The following SLC1A4 variants were observed in gnomAD, a reference collection of about 807,000 sequenced individuals.
The protein encoded by SLC1A4 is neutral amino acid transporter A.
In SLC1A4, 19 loss-of-function variants were observed where a neutral mutation model predicts 37.7. The observed-to-expected ratio is 0.50, with a 90% CI of 0.35 to 0.74. The LOEUF is 0.74. Among genes scored for constraint, SLC1A4 ranks in the 30% least tolerant of loss-of-function variants. SLC1A4 has a pLI of 0.01. For synonymous variants in SLC1A4, 299 were observed against 309.8 expected, an observed-to-expected ratio of 0.97 and a Z score of 0.37; for missense variants, 570 against 712.9, an observed-to-expected ratio of 0.80 and a Z score of 2.28.
At chr2:65,015,321 A>T (rs529857009) in intron 4 of SLC1A4, among the ~76,000 whole-genome samples, 12 of 152,320 alleles carry the variant, frequency 7.9e-5, no homozygotes, top group African/African-American at 2.9e-4. Context: ...AAGATGGTAA[A>T]TTTTATGTAT....
chr2:65,000,717 C>T (rs1204726100), intron 1 of SLC1A4: 1 of 152,178 alleles, frequency 6.6e-6, no homozygotes, highest in South Asian at 2.1e-4. Flanking sequence ...AAAACAGAAC[C>T]TTGTTTTGGA....
In SLC1A4 at chr2:65,003,973, C is replaced by T. The variant is rs768074440; in HGVS notation, c.591C>T (p.Val197=). 2.2e-5 allele frequency: 35 copies of T among 1,613,704 alleles called. 1 individual carries two copies. In the South Asian group the frequency reaches 2.4e-4, roughly 11 times the overall value. The change falls in exon 3 of 8, where the codon GTC becomes GTT. Residue 197 remains valine, a synonymous_variant. Transcript: ENST00000234256. ...AFRTYATDYK[V]VTQNSSSGNV... ...CACAGTATGCAACCGATTATAAAGTCGTGACCCAGAACAGCAGCTCTGGAA... is the reference window on the plus strand; with the variant it reads ...CACAGTATGCAACCGATTATAAAGTTGTGACCCAGAACAGCAGCTCTGGAA...
intron 1 of SLC1A4, chr2:65,001,162 G>A: frequency 3.0e-6 from 1 of 329,776 alleles, no homozygotes; most frequent in Non-Finnish European, 5.5e-6. Flanking sequence ...TGCAGTGTCA[G>A]CTAGGGGTGG....
chr2:64,989,686 C>T lies in SLC1A4; in HGVS notation c.43C>T (p.Gln15Ter). The change falls in exon 1 of 8, where the codon CAG becomes TAG. Residue 15 changes from glutamine (Q) to a stop codon, truncating the protein, a stop_gained. Transcript: ENST00000234256. LOFTEE classifies it high-confidence loss of function. ...GACCAACGGCTACCTTGACAGCGCT[C>T]AGGCGGGGCCTGCGGCCGGGCCCGG... is the stretch of plus-strand genomic sequence containing the variant. Reference protein sequence around the residue: ...NETNGYLDSAQAGPAAGPGAP... With the variant: ...NETNGYLDSA The T allele has an allele frequency of 6.5e-7, 1 of 1,540,232 alleles. No homozygotes were observed. Among genetic ancestry groups the T allele is most frequent in the Non-Finnish European group, 8.7e-7 (1 of 1,149,558 alleles).
Position 65,016,331 on chromosome 2 carries a change from A to C in SLC1A4, c.801-109A>C, listed in dbSNP as rs531671326. The C allele has an allele frequency of 1.3e-5, 11 of 833,854 alleles. No homozygotes were observed. The East Asian group carries it at 2.7e-4, about 20-fold the overall frequency. The allele number at this position is 833,854 out of a possible 1,614,324, so 51.7% of individuals were successfully genotyped here. On this transcript the variant is annotated intron_variant, in intron 4 of 7. Coordinates refer to ENST00000234256, the MANE Select transcript of SLC1A4 (RefSeq NM_003038.5). ...GGTTCCTCGGGGTTATCCTAGGGAG[A>C]GATGAAGACGGCCTGGCTGAAAGTC...
chr2:65,018,586 C>A lies in SLC1A4; in HGVS notation c.1271C>A (p.Pro424Gln). The change falls in exon 7 of 8, where the codon CCA (proline) becomes CAA (glutamine). Residue 424 changes from proline (P) to glutamine (Q), a missense_variant. Pro to Gln is a moderately conservative substitution (Grantham distance 76, BLOSUM62 -1). Transcript: ENST00000234256. The surrounding 1 kb of genome is among the most constrained non-coding windows in gnomAD (Gnocchi z 4.3). ...TASSVGAAGVPAGGVLTIAII... is the reference protein window; with the variant it reads ...TASSVGAAGVQAGGVLTIAII... ...TCCAGTGTTGGAGCAGCAGGCGTGCCAGCTGGAGGGGTCCTCACCATTGCC... is the reference window on the plus strand; with the variant it reads ...TCCAGTGTTGGAGCAGCAGGCGTGCAAGCTGGAGGGGTCCTCACCATTGCC... 1 of 1,614,230 alleles carries A rather than the reference C, an allele frequency of 6.2e-7. No homozygotes were observed. Among genetic ancestry groups the A allele is most frequent in the Non-Finnish European group, 8.5e-7 (1 of 1,180,038 alleles).
At chr2:64,990,594 C>T (rs753479065) in intron 1 of SLC1A4, among the ~76,000 whole-genome samples, 1 of 152,208 alleles carries the variant, frequency 6.6e-6, no homozygotes, top group African/African-American at 2.4e-5. Context: ...TAAGTTTTGC[C>T]TCTTGGGTCA....
rs1673299887 is a variant in SLC1A4, at chr2:64,997,501, C to T, written c.528-3947C>T. Among the ~76,000 whole-genome samples the T allele has an allele frequency of 2.0e-5, 3 of 152,292 alleles. No homozygotes were observed. In the South Asian group the frequency reaches 6.2e-4, roughly 32 times the overall value. On this transcript the variant is annotated intron_variant, in intron 1 of 7. Transcript: ENST00000234256. ...TCCACCCCTGGCCTCAGGCAGCTGACCTGCTTTTTATCACTATAAATTAGT... is the reference window on the plus strand; with the variant it reads ...TCCACCCCTGGCCTCAGGCAGCTGATCTGCTTTTTATCACTATAAATTAGT...
In SLC1A4 at chr2:65,022,824, T is replaced by C. The variant is rs765429459; in HGVS notation, c.*1678T>C. The C allele has an allele frequency of 6.6e-6, 1 of 152,256 alleles. No individual in the cohort carries two copies. The highest frequency in any genetic ancestry group is 1.9e-4 in the East Asian group (1 of 5,194). The allele number at this position is 152,256 out of a possible 1,614,324, so 9.4% of individuals were successfully genotyped here. ...CCACCCTGTAACAGGCCATTAAAGC[T>C]CCCCAGTGTTCAGCCTCCTTCACTC... is the stretch of plus-strand genomic sequence containing the variant. On this transcript the variant is annotated 3_prime_UTR_variant, in exon 8 of 8. Coordinates refer to ENST00000234256, the MANE Select transcript of SLC1A4 (RefSeq NM_003038.5).
Position 65,022,645 on chromosome 2 carries a change from A to G in SLC1A4, c.*1499A>G, listed in dbSNP as rs554085669. On this transcript the variant is annotated 3_prime_UTR_variant, in exon 8 of 8. Transcript: ENST00000234256. The stretch of plus-strand genomic sequence containing the variant: ...GTTCTCTATGTGCATTAGGACTTTT[A>G]TCATGCCCTTGTTCTGTGTGTAGTT... 1 of 152,246 alleles carries G rather than the reference A, an allele frequency of 6.6e-6. No individual in the cohort carries two copies. Among genetic ancestry groups the G allele is most frequent in the Non-Finnish European group, 1.5e-5 (1 of 68,026 alleles). The allele number at this position is 152,246 out of a possible 1,614,324, so 9.4% of individuals were successfully genotyped here.
At chr2:64,994,087 A>C (rs1673162131) in intron 1 of SLC1A4, among the ~76,000 whole-genome samples, 1 of 152,252 alleles carries the variant, frequency 6.6e-6, no homozygotes, top group Non-Finnish European at 1.5e-5. Flanking sequence ...CTGGAGGAGA[A>C]GTGAACAGTA....
At position 65,018,331 on chromosome 2, in the gene SLC1A4, C is replaced by A; in HGVS notation, c.1229+66C>A. 2 of 1,521,404 alleles carry A rather than the reference C, an allele frequency of 1.3e-6. No homozygotes were observed. Among genetic ancestry groups the A allele is most frequent in the South Asian group, 1.2e-5 (1 of 85,238 alleles). The allele number at this position is 1,521,404 out of a possible 1,614,324, so 94.2% of individuals were successfully genotyped here. ...TTTCTTGTGATTTCCTTTGAAAAACCAATCTCACCACAACTTGGTGTCTCG... is the reference window on the plus strand; with the variant it reads ...TTTCTTGTGATTTCCTTTGAAAAACAAATCTCACCACAACTTGGTGTCTCG... On this transcript the variant is annotated intron_variant, in intron 6 of 7. Transcript: ENST00000234256. The surrounding 1 kb of genome is among the most constrained non-coding windows in gnomAD (Gnocchi z 4.3).
At position 65,011,482 on chromosome 2, in the gene SLC1A4, G is replaced by A. The variant is rs1249866430; in HGVS notation, c.800+719G>A. 3 of 151,102 alleles carry A rather than the reference G, an allele frequency of 2.0e-5. No individual in the cohort carries two copies. The East Asian group carries it at 5.8e-4, about 29-fold the overall frequency. The allele number at this position is 151,102 out of a possible 1,614,324, so 9.4% of individuals were successfully genotyped here. On this transcript the variant is annotated intron_variant, in intron 4 of 7. Coordinates refer to ENST00000234256, the MANE Select transcript of SLC1A4 (RefSeq NM_003038.5). ...GGGGTTTCACCATGTTGGCCAAGCTGGTCTCAAACTCCTGACCTCAGGTGA... is the reference window on the plus strand; with the variant it reads ...GGGGTTTCACCATGTTGGCCAAGCTAGTCTCAAACTCCTGACCTCAGGTGA...
intron 4 of SLC1A4, among the ~76,000 whole-genome samples, chr2:65,014,985 A>G (rs1032796072): frequency 6.6e-6 from 1 of 152,248 alleles, no homozygotes; most frequent in African/African-American, 2.4e-5. Flanking sequence ...CATACAACAG[A>G]ATATTATTCA....
chr2:65,017,347 T>TAAA (rs11343144), intron 5 of SLC1A4, among the ~76,000 whole-genome samples: 2,894 of 111,326 alleles, frequency 0.026, 38 homozygotes, highest in Non-Finnish European at 0.034. Context: ...TGGAAAACCT[T>TAAA]AAAAAAAAAA....
At chr2:64,994,230 A>T (rs1427745306) in intron 1 of SLC1A4, among the ~76,000 whole-genome samples, 1 of 152,244 alleles carries the variant, frequency 6.6e-6, no homozygotes, top group African/African-American at 2.4e-5. Context: ...ATTCTCACTG[A>T]CATTCCGGTT....
rs555566537 is a variant in SLC1A4, at chr2:65,002,634, G to A, written c.570+1144G>A. 1.5e-3 allele frequency among the ~76,000 whole-genome samples: 195 copies of A among 133,338 alleles called. 2 individuals carry two copies. Among genetic ancestry groups the A allele is most frequent in the African/African-American group, 5.5e-3 (188 of 34,480 alleles). 87.5% of individuals were successfully genotyped at this position (133,338 alleles called of 152,430 possible). The stretch of plus-strand genomic sequence containing the variant: ...ACTCTGTTGCCCAGGCTGGAGTGCA[G>A]TGGCGCGATCTTGGCTCACTGCCAG... On this transcript the variant is annotated intron_variant, in intron 2 of 7. Coordinates refer to ENST00000234256, the MANE Select transcript of SLC1A4 (RefSeq NM_003038.5).
At chr2:65,006,570 G>T (rs1312124150) in intron 3 of SLC1A4, among the ~76,000 whole-genome samples, 1 of 152,140 alleles carries the variant, frequency 6.6e-6, no homozygotes, top group African/African-American at 2.4e-5. Context: ...TAAACCCTGT[G>T]GCGAGAAGAC....
Position 65,006,479 on chromosome 2 carries a change from G to A in SLC1A4, c.633+2464G>A, listed in dbSNP as rs186917504. 2.5e-3 allele frequency among the ~76,000 whole-genome samples: 374 copies of A among 151,858 alleles called. 1 individual carries two copies. Among genetic ancestry groups the A allele is most frequent in the Non-Finnish European group, 3.3e-3 (221 of 67,932 alleles). On this transcript the variant is annotated intron_variant, in intron 3 of 7. Transcript: ENST00000234256. Reference sequence around the variant, plus strand: ...TGCACTCCAGCCTGGGCAACAGAGCGAGACTCTGTCTCAAAAAAATAAATA... The same window carrying A: ...TGCACTCCAGCCTGGGCAACAGAGCAAGACTCTGTCTCAAAAAAATAAATA...
Sources: gnomAD v4.1 joint callset for allele counts (sites outside exome capture counted in the v4.1 genomes callset) on GRCh38, gnomAD v4.1.1 for gene constraint, Gnocchi (gnomAD v3.1) non-coding constraint, MANE v1.5 for transcripts, NCBI Gene and HGNC (gene_info 2026-07-23, HGNC 2026-07-21) for gene names.